The following FBXL13 variants were observed in gnomAD, a reference collection of about 807,000 sequenced individuals.
The protein encoded by FBXL13 is F-box and leucine-rich repeat protein 13.
A neutral mutation model predicts 83.6 loss-of-function variants in FBXL13; 67 were observed. The ratio of observed to expected loss-of-function variants is 0.80; its 90% CI spans 0.66 to 0.98. The LOEUF (loss-of-function observed/expected upper bound fraction) is 0.98, where lower values mean the gene tolerates loss of function less well. Among genes scored for constraint, FBXL13 ranks in the 50% least tolerant of loss-of-function variants. The pLI, the probability that FBXL13 is intolerant of heterozygous loss-of-function variation, is 0.00. For synonymous variants in FBXL13, 272 were observed against 299.5 expected (o/e 0.91, Z 0.95); for missense variants, 822 against 866.5 (o/e 0.95, Z 0.64).
intron 16 of FBXL13, among the ~76,000 whole-genome samples, chr7:102,858,527 T>C (rs1449467038): frequency 1.3e-5 from 2 of 152,094 alleles, no homozygotes; most frequent in Non-Finnish European, 1.5e-5. Flanking sequence ...GAAATAACAC[T>C]CTGCATTCCA....
chr7:102,874,720 C>T (rs1432018990), intron 16 of FBXL13, among the ~76,000 whole-genome samples: 2 of 152,060 alleles, frequency 1.3e-5, no homozygotes, highest in African/African-American at 4.8e-5. Flanking sequence ...GTGCACATCA[C>T]CACACCCGGC....
At chr7:102,934,151 C>A (rs1434364274) in intron 8 of FBXL13, 1 of 1,614,158 alleles carries the variant, frequency 6.2e-7, no homozygotes, top group East Asian at 2.2e-5. Context: ...GCCTGGTTGG[C>A]CTCAGGATTT....
intron 10 of FBXL13, among the ~76,000 whole-genome samples, chr7:102,919,366 C>A (rs576548169): frequency 6.6e-6 from 1 of 152,056 alleles, no homozygotes; most frequent in Non-Finnish European, 1.5e-5. Flanking sequence ...GGAATAAAAT[C>A]GGATCTAAAA....
chr7:102,842,230 C>T (rs1288736107), intron 17 of FBXL13, among the ~76,000 whole-genome samples: 1 of 152,202 alleles, frequency 6.6e-6, no homozygotes, highest in Non-Finnish European at 1.5e-5. Flanking sequence ...AGGAGTCCTC[C>T]GTTGCTTCTG....
At chr7:102,894,800 T>G (rs1812058522) in intron 11 of FBXL13, among the ~76,000 whole-genome samples, 1 of 151,870 alleles carries the variant, frequency 6.6e-6, no homozygotes, top group African/African-American at 2.4e-5. Flanking sequence ...TCCTAGGCAC[T>G]TTTCTTTCTG....
chr7:102,929,342 C>T (rs111331002), intron 9 of FBXL13, among the ~76,000 whole-genome samples: 26 of 152,122 alleles, frequency 1.7e-4, no homozygotes, highest in African/African-American at 6.3e-4. Flanking sequence ...AGTACTGAGA[C>T]CATATGTAGC....
intron 16 of FBXL13, among the ~76,000 whole-genome samples, chr7:102,864,541 G>T (rs1448158099): frequency 6.6e-6 from 1 of 152,078 alleles, no homozygotes; most frequent in Non-Finnish European, 1.5e-5. Flanking sequence ...GCTAATTTTT[G>T]TATTTTTAGT....
At chr7:102,886,157 A>G (rs1010903623) in intron 11 of FBXL13, among the ~76,000 whole-genome samples, 1 of 152,206 alleles carries the variant, frequency 6.6e-6, no homozygotes, top group Non-Finnish European at 1.5e-5. Flanking sequence ...CCTTAAGATA[A>G]TTTGTTATTT....
At chr7:103,057,704 C>A (rs1797468029) in intron 1 of FBXL13, among the ~76,000 whole-genome samples, 1 of 152,274 alleles carries the variant, frequency 6.6e-6, no homozygotes, top group South Asian at 2.1e-4. Context: ...TCTCATTTTC[C>A]TTATGAGGTC....
chr7:103,019,246 G>A (rs1792806122), intron 6 of FBXL13, among the ~76,000 whole-genome samples: 1 of 152,156 alleles, frequency 6.6e-6, no homozygotes, highest in Non-Finnish European at 1.5e-5. Context: ...TGAAATGAAG[G>A]CAGAAACAAA....
At chr7:102,993,161 A>G (rs895617886) in intron 6 of FBXL13, among the ~76,000 whole-genome samples, 1 of 152,214 alleles carries the variant, frequency 6.6e-6, no homozygotes, top group African/African-American at 2.4e-5. Flanking sequence ...CACTGTCTGC[A>G]TTGGTGAAAT....
At chr7:102,972,675 A>T (rs1353129082) in intron 6 of FBXL13, among the ~76,000 whole-genome samples, 1 of 151,936 alleles carries the variant, frequency 6.6e-6, no homozygotes, top group Admixed American at 6.6e-5. Flanking sequence ...TTTTTTAAAA[A>T]TTCAATAAAG....
At chr7:103,071,335 C>G (rs2129506084) in intron 1 of FBXL13, among the ~76,000 whole-genome samples, 1 of 152,130 alleles carries the variant, frequency 6.6e-6, no homozygotes, top group South Asian at 2.1e-4. Context: ...TATCTATCAA[C>G]AGATTCAGTA....
chr7:102,956,053 T>C (rs1047638825), intron 8 of FBXL13, among the ~76,000 whole-genome samples: 1 of 152,126 alleles, frequency 6.6e-6, no homozygotes, highest in South Asian at 2.1e-4. Flanking sequence ...ATCATCCTGA[T>C]ACCAAAGCCT....
intron 5 of FBXL13, 69 bp from the exon 7 acceptor site, chr7:103,025,299 G>T: frequency 1.0e-6 from 1 of 979,482 alleles, no homozygotes; most frequent in Non-Finnish European, 1.5e-6. Context: ...CAGACACAAA[G>T]CACAGTGCTT....
intron 6 of FBXL13, among the ~76,000 whole-genome samples, chr7:102,985,535 C>T (rs1294898027): frequency 1.3e-5 from 2 of 152,190 alleles, no homozygotes; most frequent in Admixed American, 6.5e-5. Context: ...GTGTTCAATA[C>T]TTTTTTTCTA....
chr7:102,977,146 A>T (rs1827589639), intron 6 of FBXL13, among the ~76,000 whole-genome samples: 1 of 152,152 alleles, frequency 6.6e-6, no homozygotes. Flanking sequence ...GGATCATCGA[A>T]TATTATGGTC....
At chr7:102,859,986 C>T (rs1259566836) in intron 16 of FBXL13, among the ~76,000 whole-genome samples, 3 of 152,010 alleles carry the variant, frequency 2.0e-5, no homozygotes, top group Non-Finnish European at 2.9e-5. Flanking sequence ...AATTAAGGGG[C>T]CTGAATCTTA....
At chr7:102,919,682 T>C (rs1005783200) in intron 10 of FBXL13, among the ~76,000 whole-genome samples, 4 of 152,176 alleles carry the variant, frequency 2.6e-5, no homozygotes, top group African/African-American at 7.2e-5. Flanking sequence ...TCTAAAACAT[T>C]AGGGTTTTAA....
Sources: allele counts gnomAD v4.1 joint callset (sites outside exome capture counted in the v4.1 genomes callset), GRCh38; gene constraint gnomAD v4.1.1; transcripts MANE v1.5; gene names NCBI Gene and HGNC (gene_info 2026-07-23, HGNC 2026-07-21).